CEMIP: variants seen among roughly 807,000 people sequenced by gnomAD.
CEMIP encodes the protein cell migration-inducing and hyaluronan-binding protein.
A neutral mutation model predicts 156.9 loss-of-function variants in CEMIP; 105 were observed. That is an observed-to-expected ratio of 0.67 (90% confidence interval 0.57 to 0.79). CEMIP has a LOEUF of 0.79. Ranked by LOEUF, CEMIP falls within the 30% of genes least tolerant of loss-of-function variation. The pLI, the probability that CEMIP is intolerant of heterozygous loss-of-function variation, is 0.00. For missense variants in CEMIP, 1,457 were observed against 1,769.4 expected (o/e 0.82, Z 3.17); for synonymous variants, 676 against 668.4 (o/e 1.01, Z -0.17).
At chr15:80,882,199 T>C (rs774154315) in intron 6 of CEMIP, among the ~76,000 whole-genome samples, 2 of 152,158 alleles carry the variant, frequency 1.3e-5, no homozygotes, top group African/African-American at 2.4e-5. Flanking sequence ...CACCCAACCT[T>C]GCCGGTAAAC....
intron 18 of CEMIP, 33 bp from the exon 19 acceptor site, chr15:80,925,591 G>T: frequency 2.5e-6 from 4 of 1,607,908 alleles, no homozygotes; most frequent in Non-Finnish European, 2.5e-6. Flanking sequence ...CCCCAACACC[G>T]CCACCTGTGC....
intron 1 of CEMIP, among the ~76,000 whole-genome samples, chr15:80,848,403 T>C (rs574523818): frequency 6.5e-4 from 99 of 152,272 alleles, no homozygotes; most frequent in African/African-American, 2.1e-3. Flanking sequence ...CCTCAGACAA[T>C]CTACTCAACA....
chr15:80,789,371 A>AG (rs1315244353), intron 1 of CEMIP, among the ~76,000 whole-genome samples: 8 of 152,054 alleles, frequency 5.3e-5, no homozygotes, highest in African/African-American at 4.8e-5. Flanking sequence ...CTTTTCGGAG[A>AG]GGGCAGGAAT....
chr15:80,891,307 C>T (rs1175253897), intron 10 of CEMIP, among the ~76,000 whole-genome samples: 2 of 152,172 alleles, frequency 1.3e-5, no homozygotes, highest in Non-Finnish European at 2.9e-5. Context: ...TACTTTGCTC[C>T]CAGCACAGAC....
intron 1 of CEMIP, among the ~76,000 whole-genome samples, chr15:80,788,471 CAA>C (rs11320710): frequency 2.4e-4 from 19 of 79,304 alleles, no homozygotes; most frequent in Admixed American, 2.7e-4. Context: ...AACTCCATCT[CAA>C]AAAAAAAAAA....
chr15:80,927,001 T>TC (rs1900713540), intron 19 of CEMIP, among the ~76,000 whole-genome samples: 1 of 152,124 alleles, frequency 6.6e-6, no homozygotes, highest in Non-Finnish European at 1.5e-5. Flanking sequence ...AGGCTAATTT[T>TC]TGTATTTTCA....
intron 1 of CEMIP, among the ~76,000 whole-genome samples, chr15:80,798,315 G>T (rs12443237): frequency 0.81 from 123,199 of 152,134 alleles, 52,964 homozygotes; most frequent in East Asian, 1. Context: ...AGTTTTCAAA[G>T]TCGTCTTTTT....
chr15:80,844,894 C>T (rs1897516937), intron 1 of CEMIP, among the ~76,000 whole-genome samples: 1 of 152,310 alleles, frequency 6.6e-6, no homozygotes, highest in East Asian at 1.9e-4. Flanking sequence ...ATGGGCAGGA[C>T]TCAGAGCCCC....
intron 9 of CEMIP, among the ~76,000 whole-genome samples, chr15:80,889,191 G>A (rs1898953768): frequency 6.6e-6 from 1 of 152,256 alleles, no homozygotes; most frequent in African/African-American, 2.4e-5. Context: ...CGGGTTTACA[G>A]ATGGATTTTC....
chr15:80,789,098 G>T (rs1360592020), intron 1 of CEMIP, among the ~76,000 whole-genome samples: 1 of 152,098 alleles, frequency 6.6e-6, no homozygotes, highest in Non-Finnish European at 1.5e-5. Context: ...TCCTGTCCCT[G>T]GTAAACACCC....
intron 1 of CEMIP, among the ~76,000 whole-genome samples, chr15:80,808,324 A>AGCTG (rs1896567965): frequency 6.6e-6 from 1 of 152,162 alleles, no homozygotes; most frequent in African/African-American, 2.4e-5. Context: ...ACAGCTGTAA[A>AGCTG]TGGAAGGTAT....
chr15:80,906,930 T>C lies in CEMIP; in HGVS notation c.1587+92T>C. The C allele has an allele frequency of 7.1e-7, 1 of 1,398,858 alleles. No homozygotes were observed. The highest frequency in any genetic ancestry group is 9.9e-7 in the Non-Finnish European group (1 of 1,010,068). The allele number at this position is 1,398,858 out of a possible 1,614,324, so 86.7% of individuals were successfully genotyped here. Reference sequence around the variant, plus strand: ...CGGGCCTTCTTGGTAGGGATGAGGGTGGGGGAACAGGAGGTGGGATCAAGG... The same window carrying C: ...CGGGCCTTCTTGGTAGGGATGAGGGCGGGGGAACAGGAGGTGGGATCAAGG... On this transcript the variant is annotated intron_variant, in intron 13 of 29. Transcript: ENST00000394685. The surrounding 1 kb of genome is among the most constrained non-coding windows in gnomAD (Gnocchi z 4.3).
chr15:80,857,558 A>G lies in CEMIP; in HGVS notation c.-175-15980A>G, dbSNP rs1897883530. ...GAAGGATGAGGGCAGAAGGTGTCTT[A>G]GAGCAGAGGAAGGACCCTTAGAAGT... is the stretch of plus-strand genomic sequence containing the variant. On this transcript the variant is annotated intron_variant, in intron 1 of 29. Coordinates refer to ENST00000394685, the MANE Select transcript of CEMIP (RefSeq NM_001293298.2). Among the ~76,000 whole-genome samples, 3 of 152,224 alleles carry G rather than the reference A, an allele frequency of 2.0e-5. No homozygotes were observed. In the South Asian group the frequency reaches 6.2e-4, roughly 32 times the overall value.
At chr15:80,794,438 A>T (rs1896163591) in intron 1 of CEMIP, among the ~76,000 whole-genome samples, 2 of 152,222 alleles carry the variant, frequency 1.3e-5, no homozygotes, top group South Asian at 4.1e-4. Context: ...CATGGAGATT[A>T]CAGTCTAGAG....
At chr15:80,868,588 T>A (rs753630540) in intron 1 of CEMIP, among the ~76,000 whole-genome samples, 1 of 152,204 alleles carries the variant, frequency 6.6e-6, no homozygotes, top group Non-Finnish European at 1.5e-5. Flanking sequence ...AGCGCCTACA[T>A]TCTGAGATCC....
chr15:80,935,972 A>C (rs1901106467), intron 23 of CEMIP, among the ~76,000 whole-genome samples: 1 of 152,186 alleles, frequency 6.6e-6, no homozygotes, highest in African/African-American at 2.4e-5. Flanking sequence ...TCCCAACCTC[A>C]GGTGATCCAC....
intron 1 of CEMIP, among the ~76,000 whole-genome samples, chr15:80,793,166 T>C (rs1596091713): frequency 6.6e-6 from 1 of 152,172 alleles, no homozygotes; most frequent in Admixed American, 6.5e-5. Context: ...AGCAGGTTGG[T>C]GCAATAGTGA....
At chr15:80,881,620 C>A (rs997987975) in intron 6 of CEMIP, among the ~76,000 whole-genome samples, 2 of 152,136 alleles carry the variant, frequency 1.3e-5, no homozygotes, top group African/African-American at 2.4e-5. Flanking sequence ...CAGCGAGTGG[C>A]GGAAGAGCAG....
chr15:80,906,918 T>A lies in CEMIP; in HGVS notation c.1587+80T>A. On this transcript the variant is annotated intron_variant, in intron 13 of 29. Coordinates refer to ENST00000394685, the MANE Select transcript of CEMIP (RefSeq NM_001293298.2). The surrounding 1 kb of genome is among the most constrained non-coding windows in gnomAD (Gnocchi z 4.3). ...TCAGCCTCTAGACGGGCCTTCTTGG[T>A]AGGGATGAGGGTGGGGGAACAGGAG... is the stretch of plus-strand genomic sequence containing the variant. The A allele has an allele frequency of 6.8e-7, 1 of 1,472,272 alleles. No individual in the cohort carries two copies. The highest frequency in any genetic ancestry group is 9.3e-7 in the Non-Finnish European group (1 of 1,074,846). 91.2% of individuals were successfully genotyped at this position (1,472,272 alleles called of 1,614,324 possible).
Sources: gnomAD v4.1 joint callset for allele counts (sites outside exome capture counted in the v4.1 genomes callset) on GRCh38, gnomAD v4.1.1 for gene constraint, Gnocchi (gnomAD v3.1) non-coding constraint, MANE v1.5 for transcripts, NCBI Gene and HGNC (gene_info 2026-07-23, HGNC 2026-07-21) for gene names.